The following HS6ST3 variants were observed in gnomAD, a reference collection of about 807,000 sequenced individuals.
HS6ST3 encodes the protein heparan sulfate 6-O-sulfotransferase 3.
A neutral mutation model predicts 36.7 loss-of-function variants in HS6ST3; 12 were observed. The ratio of observed to expected loss-of-function variants is 0.33; its 90% CI spans 0.21 to 0.53. The LOEUF is 0.53. Ranked by LOEUF, HS6ST3 falls within the 20% of genes least tolerant of loss-of-function variation. The pLI is 0.95. For missense variants in HS6ST3, 584 were observed against 640.9 expected, an observed-to-expected ratio of 0.91 and a Z score of 0.96; for synonymous variants, 240 against 257.5, an observed-to-expected ratio of 0.93 and a Z score of 0.65.
intron 1 of HS6ST3, among the ~76,000 whole-genome samples, chr13:96,750,160 T>C (rs1876662929): frequency 6.6e-6 from 1 of 152,224 alleles, no homozygotes; most frequent in Non-Finnish European, 1.5e-5. Context: ...TCTGGCACCA[T>C]ACAAGAGATA....
intron 1 of HS6ST3, among the ~76,000 whole-genome samples, chr13:96,661,645 TGTTA>T (rs2056646824): frequency 6.6e-6 from 1 of 152,092 alleles, no homozygotes; most frequent in Admixed American, 6.5e-5. Context: ...TGATATTAAT[TGTTA>T]GTTGCTTCAT....
At chr13:96,224,736 C>T (rs1315050250) in intron 1 of HS6ST3, among the ~76,000 whole-genome samples, 1 of 152,208 alleles carries the variant, frequency 6.6e-6, no homozygotes, top group Non-Finnish European at 1.5e-5. Context: ...TAGAATTAGG[C>T]AGTGCTTGGT....
chr13:96,256,223 G>A (rs1208101008), intron 1 of HS6ST3, among the ~76,000 whole-genome samples: 1 of 152,148 alleles, frequency 6.6e-6, no homozygotes, highest in African/African-American at 2.4e-5. Flanking sequence ...AGGAAATGGA[G>A]TTTCACCATA....
At chr13:96,557,965 TTAGCAGGAGGGGTAAATAAG>T (rs2138953144) in intron 1 of HS6ST3, among the ~76,000 whole-genome samples, 1 of 152,332 alleles carries the variant, frequency 6.6e-6, no homozygotes, top group South Asian at 2.1e-4. Flanking sequence ...CCTCACAAGG[TTAGCAGGAGGGGTAAATAAG>T]TATATAAATT....
intron 1 of HS6ST3, among the ~76,000 whole-genome samples, chr13:96,309,334 C>A (rs2054929170): frequency 6.6e-6 from 1 of 152,072 alleles, no homozygotes; most frequent in African/African-American, 2.4e-5. Flanking sequence ...TGGTGATAAT[C>A]AACATCAATG....
chr13:96,818,461 G>A (rs906132807), intron 1 of HS6ST3, among the ~76,000 whole-genome samples: 6 of 152,136 alleles, frequency 3.9e-5, no homozygotes, highest in African/African-American at 1.4e-4. Flanking sequence ...CTGGCCTCTA[G>A]TCACAAATGA....
chr13:96,405,040 G>C (rs1309657553), intron 1 of HS6ST3, among the ~76,000 whole-genome samples: 1 of 152,036 alleles, frequency 6.6e-6, no homozygotes, highest in African/African-American at 2.4e-5. Context: ...TTTCCTCCTT[G>C]CCTCCCACCA....
intron 1 of HS6ST3, among the ~76,000 whole-genome samples, chr13:96,372,945 T>C (rs1456473483): frequency 2.0e-5 from 3 of 152,188 alleles, no homozygotes; most frequent in African/African-American, 7.2e-5. Context: ...CTTACAGTTC[T>C]AGAGACCACA....
At chr13:96,654,133 A>G (rs1024146234) in intron 1 of HS6ST3, among the ~76,000 whole-genome samples, 4 of 151,980 alleles carry the variant, frequency 2.6e-5, no homozygotes. Flanking sequence ...GATAGATTAC[A>G]AAAATTTTCC....
At chr13:96,530,746 C>T (rs958761166) in intron 1 of HS6ST3, among the ~76,000 whole-genome samples, 3 of 152,194 alleles carry the variant, frequency 2.0e-5, no homozygotes, top group African/African-American at 4.8e-5. Context: ...ACAGTTTGGT[C>T]TTTGTCATCA....
intron 1 of HS6ST3, among the ~76,000 whole-genome samples, chr13:96,658,779 C>T (rs1156410134): frequency 6.6e-6 from 1 of 151,898 alleles, no homozygotes; most frequent in Non-Finnish European, 1.5e-5. Flanking sequence ...GATCTTGGCT[C>T]ACTGCAACCT....
intron 1 of HS6ST3, among the ~76,000 whole-genome samples, chr13:96,378,949 C>T (rs1306373371): frequency 1.3e-5 from 2 of 152,168 alleles, no homozygotes; most frequent in African/African-American, 2.4e-5. Flanking sequence ...GAGAGATGTC[C>T]TACTCCTGGT....
At position 96,538,356 on chromosome 13, in the gene HS6ST3, T is replaced by G. The variant is rs142751424; in HGVS notation, c.708-294134T>G. Among the ~76,000 whole-genome samples, 238 of 152,392 alleles carry G rather than the reference T, an allele frequency of 1.6e-3. No individual in the cohort carries two copies. The Middle Eastern group carries it at 0.017, about 11-fold the overall frequency. The stretch of plus-strand genomic sequence containing the variant: ...TATTAATTATAGAGATCTAATGCAT[T>G]ATAAATTTACTAACAATTTGAAAGA... On this transcript the variant is annotated intron_variant, in intron 1 of 1. Transcript: ENST00000376705.
At chr13:96,742,257 G>GA (rs1876459481) in intron 1 of HS6ST3, among the ~76,000 whole-genome samples, 1 of 151,680 alleles carries the variant, frequency 6.6e-6, no homozygotes, top group African/African-American at 2.4e-5. Flanking sequence ...AGAAAAGGAG[G>GA]AAAAAATAGA....
chr13:96,795,934 T>G (rs1249762114), intron 1 of HS6ST3, among the ~76,000 whole-genome samples: 1 of 152,136 alleles, frequency 6.6e-6, no homozygotes, highest in Middle Eastern at 3.2e-3. Flanking sequence ...ATGCCAGATG[T>G]GGCCTTGGTT....
chr13:96,600,074 C>A (rs2056415894), intron 1 of HS6ST3, among the ~76,000 whole-genome samples: 1 of 151,876 alleles, frequency 6.6e-6, no homozygotes, highest in African/African-American at 2.4e-5. Flanking sequence ...TTGGAAAATG[C>A]ACCATGCGCT....
intron 1 of HS6ST3, among the ~76,000 whole-genome samples, chr13:96,754,976 A>G: frequency 1.3e-5 from 2 of 152,176 alleles, no homozygotes; most frequent in Admixed American, 1.3e-4. Flanking sequence ...TTATGTTGGT[A>G]TATTTCCTTC....
At chr13:96,646,993 A>G (rs1460813712) in intron 1 of HS6ST3, among the ~76,000 whole-genome samples, 3 of 151,998 alleles carry the variant, frequency 2.0e-5, no homozygotes, top group African/African-American at 7.2e-5. Context: ...ATAGCAAGCT[A>G]GGACTAGCTG....
chr13:96,782,891 T>C (rs1877559744), intron 1 of HS6ST3, among the ~76,000 whole-genome samples: 1 of 152,050 alleles, frequency 6.6e-6, no homozygotes, highest in Non-Finnish European at 1.5e-5. Context: ...TCTGGATCTG[T>C]ATTATCATGG....
Sources: allele counts gnomAD v4.1 joint callset (sites outside exome capture counted in the v4.1 genomes callset), GRCh38; gene constraint gnomAD v4.1.1; transcripts MANE v1.5; gene names NCBI Gene and HGNC (gene_info 2026-07-23, HGNC 2026-07-21).